Variants in PCBP3 observed in about 807,000 individuals in gnomAD.
PCBP3 encodes poly(rC) binding protein 3.
Under a neutral mutation model 52.7 loss-of-function variants are expected in PCBP3, and 25 were observed. That is an observed-to-expected ratio of 0.47 (90% CI 0.35 to 0.66). PCBP3 has a LOEUF of 0.66. Among genes scored for constraint, PCBP3 ranks in the 30% least tolerant of loss-of-function variants. PCBP3 has a pLI of 0.01. For synonymous variants in PCBP3, 162 were observed against 183.0 expected (o/e 0.89, Z 0.93); for missense variants, 391 against 490.3 (o/e 0.80, Z 1.91).
intron 2 of PCBP3, among the ~76,000 whole-genome samples, chr21:45,680,252 C>T (rs1012240544): frequency 1.8e-4 from 27 of 152,178 alleles, no homozygotes; most frequent in Non-Finnish European, 3.7e-4. Flanking sequence ...TATATATACA[C>T]ACATTTTTGA....
At position 45,805,559 on chromosome 21, in the gene PCBP3, C is replaced by T. The variant is rs543951832; in HGVS notation, c.-125-44402C>T. Among the ~76,000 whole-genome samples, 1 of 152,280 alleles carries T rather than the reference C, an allele frequency of 6.6e-6. No homozygotes were observed. The highest frequency in any genetic ancestry group is 2.1e-4 in the South Asian group (1 of 4,820). The stretch of plus-strand genomic sequence containing the variant: ...AGGCCTTGTGGGCAGTGTGGCAGAA[C>T]GGCACATACAGGTGCCTAAAATCGA... On this transcript the variant is annotated intron_variant, in intron 4 of 17. Transcript: ENST00000681687. This position sits in a 1 kb window ranked among gnomAD's most constrained non-coding sequence, Gnocchi z 4.6.
chr21:45,900,074 C>T (rs546472876), intron 7 of PCBP3, among the ~76,000 whole-genome samples: 4 of 152,286 alleles, frequency 2.6e-5, no homozygotes, highest in South Asian at 2.1e-4. Context: ...CCCGGGAGGC[C>T]GAGCAGTGAG....
chr21:45,774,792 C>G (rs1448691479), intron 4 of PCBP3, among the ~76,000 whole-genome samples: 1 of 152,148 alleles, frequency 6.6e-6, no homozygotes, highest in Non-Finnish European at 1.5e-5. Flanking sequence ...TTATCACTCA[C>G]TCTGTTATGT....
At chr21:45,748,297 G>T in intron 3 of PCBP3, among the ~76,000 whole-genome samples, 1 of 152,236 alleles carries the variant, frequency 6.6e-6, no homozygotes, top group East Asian at 1.9e-4. Context: ...CTCTGGATCT[G>T]CAGGGACACT....
chr21:45,811,701 A>G (rs924170395), intron 4 of PCBP3, among the ~76,000 whole-genome samples: 3 of 152,228 alleles, frequency 2.0e-5, no homozygotes, highest in African/African-American at 7.2e-5. Flanking sequence ...CAGTATTTGC[A>G]TGCCATATTT....
rs145808531 is a variant in PCBP3, at chr21:45,800,744, G to A, written c.-126+45292G>A. ...TGTGCCTCACTATGCCTAGGCCACA[G>A]CCCGGGAGGGAGGATGTCTTTCCCT... On this transcript the variant is annotated intron_variant, in intron 4 of 17. Coordinates refer to ENST00000681687, the MANE Select transcript of PCBP3 (RefSeq NM_001384156.1). This position sits in a 1 kb window ranked among gnomAD's most constrained non-coding sequence, Gnocchi z 5.3. 1.3e-5 allele frequency among the ~76,000 whole-genome samples: 2 copies of A among 152,370 alleles called. No individual in the cohort carries two copies. Among genetic ancestry groups the A allele is most frequent in the African/African-American group, 2.4e-5 (1 of 41,596 alleles).
chr21:45,934,642 G>A (rs749690082), intron 15 of PCBP3, among the ~76,000 whole-genome samples: 3 of 152,220 alleles, frequency 2.0e-5, no homozygotes, highest in Non-Finnish European at 4.4e-5. Context: ...TGAGCTGTCT[G>A]AGCCAGGCTA....
intron 2 of PCBP3, among the ~76,000 whole-genome samples, chr21:45,725,875 G>T (rs557496293): frequency 6.6e-6 from 1 of 151,970 alleles, no homozygotes; most frequent in Non-Finnish European, 1.5e-5. Flanking sequence ...AGGAAGGGGT[G>T]GGGGGCAGCT....
At chr21:45,807,948 A>C (rs2092561638) in intron 4 of PCBP3, among the ~76,000 whole-genome samples, 1 of 152,232 alleles carries the variant, frequency 6.6e-6, no homozygotes, top group Non-Finnish European at 1.5e-5. Flanking sequence ...CAGTGGGGAA[A>C]GGATTCCCTA....
chr21:45,898,466 T>TCCTCACAGC (rs2095900819), intron 6 of PCBP3, among the ~76,000 whole-genome samples: 1 of 134,552 alleles, frequency 7.4e-6, no homozygotes, highest in African/African-American at 3.1e-5. Context: ...ATCCTCATGG[T>TCCTCACAGC]CTCCCTCTCC....
chr21:45,932,110 G>A (rs973226479), intron 15 of PCBP3, among the ~76,000 whole-genome samples: 1 of 151,352 alleles, frequency 6.6e-6, no homozygotes, highest in Admixed American at 6.6e-5. Flanking sequence ...TGAACACATT[G>A]GCCATGCTGT....
At chr21:45,822,102 G>C (rs2093157171) in intron 4 of PCBP3, among the ~76,000 whole-genome samples, 2 of 152,180 alleles carry the variant, frequency 1.3e-5, no homozygotes, top group African/African-American at 4.8e-5. Flanking sequence ...CTCAACGTGT[G>C]ACTATCACCC....
At chr21:45,835,179 A>G (rs1282376765) in intron 4 of PCBP3, among the ~76,000 whole-genome samples, 1 of 152,200 alleles carries the variant, frequency 6.6e-6, no homozygotes, top group Non-Finnish European at 1.5e-5. Context: ...GAGCCAAGAC[A>G]GAGAATAGCC....
chr21:45,715,350 T>C (rs1242654462), intron 2 of PCBP3, among the ~76,000 whole-genome samples: 2 of 152,248 alleles, frequency 1.3e-5, no homozygotes, highest in Non-Finnish European at 2.9e-5. Context: ...ATTATGTTTA[T>C]TTTTTGAATT....
intron 4 of PCBP3, among the ~76,000 whole-genome samples, chr21:45,811,668 G>A (rs1468474254): frequency 1.3e-5 from 2 of 152,196 alleles, no homozygotes; most frequent in Non-Finnish European, 2.9e-5. Flanking sequence ...GTCTGGTATT[G>A]AGACATGTTG....
chr21:45,780,250 TAC>T (rs1368499335), intron 4 of PCBP3, among the ~76,000 whole-genome samples: 1 of 152,240 alleles, frequency 6.6e-6, no homozygotes, highest in East Asian at 1.9e-4. Context: ...CGTCTCAAAA[TAC>T]ACACATTTAT....
At chr21:45,874,505 CTTT>C (rs551716964) in intron 5 of PCBP3, among the ~76,000 whole-genome samples, 7 of 134,000 alleles carry the variant, frequency 5.2e-5, no homozygotes, top group Admixed American at 7.5e-5. Flanking sequence ...TTCTTCTTTT[CTTT>C]TTTTTTTTTT....
At chr21:45,887,162 C>T (rs562497748) in intron 5 of PCBP3, among the ~76,000 whole-genome samples, 1 of 152,368 alleles carries the variant, frequency 6.6e-6, no homozygotes, top group East Asian at 1.9e-4. Context: ...TTCACCACCA[C>T]GCTGTTCCCT....
rs932968593 is a variant in PCBP3 at position 45,941,929 on chromosome 21, A to G, written c.*223A>G. The G allele has an allele frequency of 2.4e-5, 10 of 425,200 alleles. No individual in the cohort carries two copies. Among genetic ancestry groups the G allele is most frequent in the Admixed American group, 4.4e-5 (1 of 22,846 alleles). The allele number at this position is 425,200 out of a possible 1,614,324, so 26.3% of individuals were successfully genotyped here. A position where few individuals can be genotyped will look rare whatever the true frequency, so the allele number is the denominator to read the frequency against. On this transcript the variant is annotated 3_prime_UTR_variant, in exon 18 of 18. Transcript: ENST00000681687. ...GTCCCCCCTCAGTGTTATTTTATTTATGACTTACGCTCCCGTCTGCCCATG... is the reference window on the plus strand; with the variant it reads ...GTCCCCCCTCAGTGTTATTTTATTTGTGACTTACGCTCCCGTCTGCCCATG...
Sources: gnomAD v4.1 joint callset for allele counts (sites outside exome capture counted in the v4.1 genomes callset) on GRCh38, gnomAD v4.1.1 for gene constraint, Gnocchi (gnomAD v3.1) non-coding constraint, MANE v1.5 for transcripts, NCBI Gene and HGNC (gene_info 2026-07-23, HGNC 2026-07-21) for gene names.